Variants in WNK1 observed in about 807,000 individuals in gnomAD.
WNK1 encodes the protein WNK lysine deficient protein kinase 1, also known as serine/threonine-protein kinase WNK1.
Under a neutral mutation model 222.8 loss-of-function variants are expected in WNK1, and 38 were observed. The ratio of observed to expected loss-of-function variants is 0.17; its 90% CI spans 0.13 to 0.22. The LOEUF (loss-of-function observed/expected upper bound fraction) is 0.22, where lower values mean the gene tolerates loss of function less well. Ranked by LOEUF, WNK1 falls within the 10% of genes least tolerant of loss-of-function variation. The probability of loss-of-function intolerance (pLI) is 1.00; values close to 1 mark genes in which losing one functional copy is unlikely to be tolerated. For synonymous variants in WNK1, 1,090 were observed against 1,092.9 expected (o/e 1.00, Z 0.05); for missense variants, 2,348 against 2,918.4 (o/e 0.80, Z 4.50).
chr12:870,589 A>G (rs1458257271), intron 8 of WNK1, among the ~76,000 whole-genome samples: 1 of 152,196 alleles, frequency 6.6e-6, no homozygotes, highest in Non-Finnish European at 1.5e-5. Context: ...CACTGTTGAC[A>G]TCTGAGGTTG....
At chr12:897,447 T>C in intron 24 of WNK1, 32 bp from the exon 25 acceptor site, 2 of 1,301,674 alleles carry the variant, frequency 1.5e-6, no homozygotes, top group Non-Finnish European at 2.2e-6. Context: ...AGGATTATGG[T>C]ATTTTGAATT....
intron 8 of WNK1, chr12:865,263 G>A (rs1459669863): frequency 1.3e-6 from 2 of 1,535,834 alleles, no homozygotes; most frequent in East Asian, 2.4e-5. Flanking sequence ...GGAAACTTTT[G>A]CCGAAAAGCT....
At position 911,192 on chromosome 12, in the gene WNK1, T is replaced by C. The variant is rs778916345; in HGVS notation, c.*2400T>C. On this transcript the variant is annotated 3_prime_UTR_variant, in exon 28 of 28. Transcript: ENST00000315939. ...ACTGTTTAAATTATTTTTGTGTTAA[T>C]AGTACACTTTGAGTATCTTTTTCCA... 3.3e-5 allele frequency: 13 copies of C among 397,900 alleles called. No individual in the cohort carries two copies. Among genetic ancestry groups the C allele is most frequent in the East Asian group, 1.1e-4 (3 of 28,018 alleles). 24.6% of individuals were successfully genotyped at this position (397,900 alleles called of 1,614,324 possible). A position where few individuals can be genotyped will look rare whatever the true frequency, so the allele number is the denominator to read the frequency against.
rs774176953 is a variant in WNK1 at position 885,005 on chromosome 12, C to A, written c.4201C>A (p.Pro1401Thr). The change falls in exon 19 of 28, where the codon CCA (proline) becomes ACA (threonine). Residue 1401 changes from proline to threonine, a missense_variant. By Grantham distance (38) the Pro-to-Thr change is conservative. Transcript: ENST00000315939. ...GGTAACTTCAGGTGGTCTCCCCATACCACCTGTGTCTGAATCACCAGTACT... is the reference window on the plus strand; with the variant it reads ...GGTAACTTCAGGTGGTCTCCCCATAACACCTGTGTCTGAATCACCAGTACT... ...GVVTSGGLPI[P>T]PVSESPVLSS... 2 of 1,614,082 alleles carry A rather than the reference C, an allele frequency of 1.2e-6. No individual in the cohort carries two copies. The highest frequency in any genetic ancestry group is 1.7e-6 in the Non-Finnish European group (2 of 1,180,048).
At chr12:867,863 C>T (rs1951809207) in intron 8 of WNK1, 2 of 1,613,654 alleles carry the variant, frequency 1.2e-6, no homozygotes, top group African/African-American at 2.7e-5. Flanking sequence ...CATGTTGATA[C>T]AGCCTCAGTC....
At chr12:886,584 T>G (rs1252764501) in intron 19 of WNK1, among the ~76,000 whole-genome samples, 4 of 152,224 alleles carry the variant, frequency 2.6e-5, no homozygotes, top group Non-Finnish European at 2.9e-5. Context: ...AGGACTGAAG[T>G]AACTAAAATT....
Position 906,592 on chromosome 12 carries a change from T to G in WNK1, c.6644-1255T>G, listed in dbSNP as rs949461363. On this transcript the variant is annotated intron_variant, in intron 26 of 27. Transcript: ENST00000315939. ...TGAAAGATTCAGGCACACCATACAG[T>G]CCTTTCCTCATGAATAATCTTGTTC... is the stretch of plus-strand genomic sequence containing the variant. 3.0e-6 allele frequency: 3 copies of G among 985,202 alleles called. No homozygotes were observed. In the African/African-American group the frequency reaches 5.2e-5, roughly 17 times the overall value. The allele number at this position is 985,202 out of a possible 1,614,324, so 61.0% of individuals were successfully genotyped here. A position where few individuals can be genotyped will look rare whatever the true frequency, so the allele number is the denominator to read the frequency against.
intron 9 of WNK1, among the ~76,000 whole-genome samples, chr12:877,598 G>A (rs1952747269): frequency 6.6e-6 from 1 of 152,030 alleles, no homozygotes; most frequent in South Asian, 2.1e-4. Context: ...AAAAAATAAT[G>A]TCCTTGTTTC....
chr12:861,628 A>G (rs899401637), intron 7 of WNK1, among the ~76,000 whole-genome samples: 3 of 152,218 alleles, frequency 2.0e-5, no homozygotes, highest in Admixed American at 6.5e-5. Flanking sequence ...ATTTATTTAA[A>G]TAAAACAGAT....
intron 1 of WNK1, among the ~76,000 whole-genome samples, chr12:808,761 C>CTTTTT (rs11322620): frequency 8.4e-6 from 1 of 119,380 alleles, no homozygotes. Context: ...GTATCTCTCT[C>CTTTTT]TTTTTTTTTT....
At chr12:768,971 G>A (rs757107029) in intron 1 of WNK1, among the ~76,000 whole-genome samples, 5 of 151,522 alleles carry the variant, frequency 3.3e-5, no homozygotes, top group African/African-American at 7.3e-5. Flanking sequence ...CACCACACCC[G>A]GCTAATTTTT....
intron 4 of WNK1, among the ~76,000 whole-genome samples, chr12:852,495 G>A (rs72648660): frequency 9.2e-4 from 140 of 152,284 alleles, no homozygotes; most frequent in Non-Finnish European, 1.7e-3. Context: ...AGAAAAGTAA[G>A]AGAAAAATAT....
chr12:812,494 T>C (rs1376047609), intron 1 of WNK1, among the ~76,000 whole-genome samples: 1 of 152,220 alleles, frequency 6.6e-6, no homozygotes, highest in Non-Finnish European at 1.5e-5. Flanking sequence ...GTCAATATAA[T>C]GTTGCCTGTG....
intron 23 of WNK1, among the ~76,000 whole-genome samples, chr12:895,608 G>A (rs1206863580): frequency 6.6e-6 from 1 of 151,912 alleles, no homozygotes. Context: ...ACAGGCACAC[G>A]CTACCATGCC....
At chr12:871,567 A>G (rs1436407629) in intron 9 of WNK1, among the ~76,000 whole-genome samples, 1 of 152,216 alleles carries the variant, frequency 6.6e-6, no homozygotes, top group African/African-American at 2.4e-5. Flanking sequence ...TAGTAGACAT[A>G]CATTATTACT....
chr12:814,006 T>A (rs535934086), intron 2 of WNK1, among the ~76,000 whole-genome samples, 192 bp downstream of exon 2: 8 of 152,304 alleles, frequency 5.3e-5, no homozygotes, highest in Admixed American at 3.3e-4. Flanking sequence ...AATTATTTCT[T>A]GGTAAGTATT....
chr12:875,024 C>A (rs948408222), intron 9 of WNK1, among the ~76,000 whole-genome samples: 1 of 151,932 alleles, frequency 6.6e-6, no homozygotes, highest in Non-Finnish European at 1.5e-5. Flanking sequence ...ATATTCCAGG[C>A]CAGAAGATAA....
chr12:772,427 GTA>G (rs1163947411), intron 1 of WNK1, among the ~76,000 whole-genome samples: 1 of 69,072 alleles, frequency 1.4e-5, no homozygotes, highest in Non-Finnish European at 3.7e-5. Context: ...GTGTGTGTAT[GTA>G]TGTGTGTGTG....
At chr12:795,647 T>C (rs1224611046) in intron 1 of WNK1, among the ~76,000 whole-genome samples, 3 of 138,654 alleles carry the variant, frequency 2.2e-5, no homozygotes, top group Non-Finnish European at 4.8e-5. Context: ...GGATATGTCT[T>C]TATCAGCAGC....
Sources: allele counts gnomAD v4.1 joint callset (sites outside exome capture counted in the v4.1 genomes callset), GRCh38; gene constraint gnomAD v4.1.1; transcripts MANE v1.5; gene names NCBI Gene and HGNC (gene_info 2026-07-23, HGNC 2026-07-21).